PCDH15: variants seen among roughly 807,000 people sequenced by gnomAD.
PCDH15 encodes the protein protocadherin related 15, also known as protocadherin-15.
A neutral mutation model predicts 178.5 loss-of-function variants in PCDH15; 129 were observed. The ratio of observed to expected loss-of-function variants is 0.72; its 90% CI spans 0.63 to 0.84. The LOEUF is 0.84. PCDH15 is among the 40% of genes least tolerant of loss of function. PCDH15 has a pLI of 0.00. For synonymous variants in PCDH15, 800 were observed against 732.0 expected (o/e 1.09, Z -1.50); for missense variants, 2,230 against 2,099.9 (o/e 1.06, Z -1.21).
At chr10:55,094,658 A>G (rs1842405355) in intron 2 of PCDH15, among the ~76,000 whole-genome samples, 1 of 152,126 alleles carries the variant, frequency 6.6e-6, no homozygotes, top group Non-Finnish European at 1.5e-5. Context: ...GCCAAACTGT[A>G]TCATACGTCA....
intron 13 of PCDH15, among the ~76,000 whole-genome samples, chr10:54,166,984 C>T (rs7900941): frequency 0.3 from 45,165 of 152,006 alleles, 7,059 homozygotes; most frequent in African/African-American, 0.37. Flanking sequence ...CTTTACCTAT[C>T]CAAATCCTAT....
At chr10:54,854,792 G>A (rs770737682) in intron 3 of PCDH15, among the ~76,000 whole-genome samples, 3 of 152,120 alleles carry the variant, frequency 2.0e-5, no homozygotes, top group Non-Finnish European at 4.4e-5. Context: ...GCCAGAGAAG[G>A]CACAACAAGC....
chr10:54,919,752 A>G (rs1026197789), intron 2 of PCDH15, among the ~76,000 whole-genome samples: 5 of 152,158 alleles, frequency 3.3e-5, no homozygotes, highest in African/African-American at 1.2e-4. Flanking sequence ...AGGTAACCCA[A>G]CAGATTTGAG....
chr10:54,220,621 C>T (rs1405493017), intron 9 of PCDH15, among the ~76,000 whole-genome samples: 3 of 152,042 alleles, frequency 2.0e-5, no homozygotes, highest in Admixed American at 2.0e-4. Context: ...GTCAGGAGAT[C>T]GAGACCATCC....
chr10:54,640,983 A>T (rs1405196577), intron 2 of PCDH15: 3 of 168,542 alleles, frequency 1.8e-5, no homozygotes, highest in Non-Finnish European at 3.9e-5. Flanking sequence ...GTGTGCCTGT[A>T]ATCCCAGCTA....
intron 1 of PCDH15, among the ~76,000 whole-genome samples, chr10:55,272,952 C>T (rs367630599): frequency 7.9e-5 from 12 of 151,972 alleles, no homozygotes; most frequent in African/African-American, 2.4e-4. Flanking sequence ...TCTATTAAAG[C>T]GATGTGCTGT....
chr10:54,035,412 AATTACTACTGG>A (rs1422728505), intron 18 of PCDH15, among the ~76,000 whole-genome samples: 2 of 151,906 alleles, frequency 1.3e-5, no homozygotes, highest in African/African-American at 4.8e-5. Flanking sequence ...CAAACTTTTA[AATTACTACTGG>A]ATCTGTTATG....
intron 2 of PCDH15, among the ~76,000 whole-genome samples, chr10:54,983,661 C>A (rs1486865478): frequency 6.6e-6 from 1 of 152,090 alleles, no homozygotes; most frequent in Non-Finnish European, 1.5e-5. Flanking sequence ...CTTAGCAGTT[C>A]ATGTTAGTAT....
At chr10:54,698,586 T>G (rs535064830) in intron 1 of PCDH15, among the ~76,000 whole-genome samples, 1 of 152,258 alleles carries the variant, frequency 6.6e-6, no homozygotes, top group African/African-American at 2.4e-5. Context: ...AGAACCTGGT[T>G]TTCCACCCTC....
chr10:54,036,496 A>C (rs2384368), intron 18 of PCDH15, among the ~76,000 whole-genome samples: 90,243 of 151,234 alleles, frequency 0.6, 29,585 homozygotes, highest in Middle Eastern at 0.76. Flanking sequence ...TGCCTAATAA[A>C]AGCATATATT....
At chr10:55,446,731 G>T (rs922521511) in intron 2 of PCDH15, among the ~76,000 whole-genome samples, 3 of 152,050 alleles carry the variant, frequency 2.0e-5, no homozygotes, top group Non-Finnish European at 4.4e-5. Flanking sequence ...GTTTCCAGTT[G>T]CCCTATTGTA....
rs191046177 is a variant in PCDH15 at position 54,128,855 on chromosome 10, T to C, written c.1917+4020A>G. ...TTCATAAGAGCCTTAAAATAAATTGTATATATTTTAAACATTAGTACATTT... is the reference window on the plus strand; with the variant it reads ...TTCATAAGAGCCTTAAAATAAATTGCATATATTTTAAACATTAGTACATTT... On this transcript the variant is annotated intron_variant, in intron 15 of 37. Transcript: ENST00000644397. Among the ~76,000 whole-genome samples the C allele has an allele frequency of 1.2e-4, 19 of 152,282 alleles. No individual in the cohort carries two copies. In the East Asian group the frequency reaches 3.7e-3, roughly 29 times the overall value.
chr10:54,061,240 A>G (rs976797345), intron 18 of PCDH15, among the ~76,000 whole-genome samples: 3 of 152,094 alleles, frequency 2.0e-5, no homozygotes, highest in Non-Finnish European at 4.4e-5. Flanking sequence ...AAGATCAATT[A>G]TTTGCATGCT....
chr10:54,609,042 T>C (rs760701248), intron 2 of PCDH15, among the ~76,000 whole-genome samples: 7 of 152,070 alleles, frequency 4.6e-5, no homozygotes, highest in Non-Finnish European at 1.0e-4. Flanking sequence ...CCCTGAAAGG[T>C]ACAATAAAAA....
intron 2 of PCDH15, among the ~76,000 whole-genome samples, chr10:55,426,413 G>A (rs1838756328): frequency 6.6e-6 from 1 of 152,092 alleles, no homozygotes; most frequent in Admixed American, 6.6e-5. Flanking sequence ...TCATGGAAGG[G>A]GTCACTCAGG....
At chr10:54,631,936 G>T (rs936340843) in intron 2 of PCDH15, among the ~76,000 whole-genome samples, 2 of 152,032 alleles carry the variant, frequency 1.3e-5, no homozygotes, top group East Asian at 3.9e-4. Flanking sequence ...CCTTCACCTG[G>T]TCTCTCCCTT....
At chr10:54,861,017 G>A (rs1241991105) in intron 3 of PCDH15, among the ~76,000 whole-genome samples, 3 of 151,988 alleles carry the variant, frequency 2.0e-5, no homozygotes, top group African/African-American at 7.2e-5. Flanking sequence ...TAACCAATCT[G>A]ATTCATTTAT....
At chr10:55,358,169 A>C (rs1845126653) in intron 2 of PCDH15, among the ~76,000 whole-genome samples, 1 of 152,110 alleles carries the variant, frequency 6.6e-6, no homozygotes, top group Admixed American at 6.6e-5. Flanking sequence ...TAAACTGAAC[A>C]CTTCTTTCAC....
At chr10:54,629,499 T>A (rs1440275019) in intron 2 of PCDH15, among the ~76,000 whole-genome samples, 1 of 152,102 alleles carries the variant, frequency 6.6e-6, no homozygotes, top group African/African-American at 2.4e-5. Context: ...AATAACCATA[T>A]CATTATTTCA....
Sources: allele counts gnomAD v4.1 joint callset (sites outside exome capture counted in the v4.1 genomes callset), GRCh38; gene constraint gnomAD v4.1.1; transcripts MANE v1.5; gene names NCBI Gene and HGNC (gene_info 2026-07-23, HGNC 2026-07-21).